Variants in LPAR1 observed in about 807,000 individuals in gnomAD.
LPAR1 encodes the protein lysophosphatidic acid receptor 1.
LPAR1 carries 5 observed loss-of-function variants against 23.8 expected under a neutral mutation model. The ratio of observed to expected loss-of-function variants is 0.21; its 90% CI spans 0.11 to 0.44. LPAR1 has a LOEUF of 0.44. Among genes scored for constraint, LPAR1 ranks in the 20% least tolerant of loss-of-function variants. The pLI, the probability that LPAR1 is intolerant of heterozygous loss-of-function variation, is 0.99. For synonymous variants in LPAR1, 160 were observed against 164.7 expected, an observed-to-expected ratio of 0.97 and a Z score of 0.22; for missense variants, 311 against 482.8, an observed-to-expected ratio of 0.64 and a Z score of 3.33.
At chr9:110,961,999 C>T (rs1316702970) in intron 4 of LPAR1, among the ~76,000 whole-genome samples, 4 of 152,186 alleles carry the variant, frequency 2.6e-5, no homozygotes, top group Non-Finnish European at 5.9e-5. Context: ...CATGGTGTAA[C>T]TGATGACTAT....
At chr9:110,907,364 C>T (rs563312535) in intron 5 of LPAR1, among the ~76,000 whole-genome samples, 2 of 152,042 alleles carry the variant, frequency 1.3e-5, no homozygotes, top group African/African-American at 2.4e-5. Context: ...AAGGGGTAAT[C>T]GTTCTTGGTC....
In LPAR1 at chr9:110,972,087, T is replaced by C; in HGVS notation, c.31A>G (p.Ile11Val). 6.2e-7 allele frequency: 1 copy of C among 1,613,928 alleles called. No individual in the cohort carries two copies. Among genetic ancestry groups the C allele is most frequent in the South Asian group, 1.1e-5 (1 of 91,066 alleles). Residue 11 changes from isoleucine to valine, a missense_variant, in exon 4 of 6, where the codon ATT (isoleucine) becomes GTT (valine). This residue lies in a region of LPAR1 where 61 missense variants were observed against 55.6 expected (regional missense o/e 1.10). Coordinates refer to ENST00000683809, the MANE Select transcript of LPAR1 (RefSeq NM_001351411.2). The part of the protein sequence containing the change: MAAISTSIPV[I>V]SQPQFTAMNE... Reference sequence around the variant, plus strand: ...GAAGCCCTTACCTGGGGCTGTGAAATTACAGGGATGGAAGTAGAGATGGCA... The same window carrying C: ...GAAGCCCTTACCTGGGGCTGTGAAACTACAGGGATGGAAGTAGAGATGGCA...
intron 5 of LPAR1, among the ~76,000 whole-genome samples, chr9:110,927,838 G>A (rs1345086576): frequency 7.2e-5 from 11 of 152,108 alleles, no homozygotes; most frequent in East Asian, 3.9e-4. Flanking sequence ...GATTTTAGTC[G>A]TATGAAAATT....
chr9:110,902,785 G>C (rs7859347), intron 5 of LPAR1, among the ~76,000 whole-genome samples: 18,552 of 152,170 alleles, frequency 0.12, 1,226 homozygotes, highest in South Asian at 0.13. Flanking sequence ...GGAGAGAGGG[G>C]CAGTCCTCAG....
chr9:110,953,303 T>A (rs1588507476), intron 4 of LPAR1, among the ~76,000 whole-genome samples: 2 of 151,820 alleles, frequency 1.3e-5, no homozygotes, highest in South Asian at 4.2e-4. Context: ...CCATCTGACA[T>A]CCCCGGCCCC....
chr9:110,973,180 C>T (rs1196986973), intron 3 of LPAR1, among the ~76,000 whole-genome samples: 1 of 152,102 alleles, frequency 6.6e-6, no homozygotes, highest in Non-Finnish European at 1.5e-5. Context: ...TATTTTTGGA[C>T]CAAGTTTGAC....
chr9:111,019,071 A>C (rs2140991408), intron 2 of LPAR1, among the ~76,000 whole-genome samples: 1 of 152,362 alleles, frequency 6.6e-6, no homozygotes, highest in African/African-American at 2.4e-5. Context: ...CATAAAACTA[A>C]CATGACTAAA....
intron 4 of LPAR1, among the ~76,000 whole-genome samples, chr9:110,942,507 G>A (rs570630950): frequency 1.3e-5 from 2 of 152,162 alleles, no homozygotes; most frequent in East Asian, 3.9e-4. Flanking sequence ...ATTGCAATTG[G>A]AATATTTACC....
chr9:110,918,983 C>T (rs2093416735), intron 5 of LPAR1, among the ~76,000 whole-genome samples: 1 of 152,128 alleles, frequency 6.6e-6, no homozygotes, highest in African/African-American at 2.4e-5. Flanking sequence ...GTCCCCCTTC[C>T]CCTGGTGTGT....
At chr9:110,926,860 A>G (rs1218647974) in intron 5 of LPAR1, among the ~76,000 whole-genome samples, 1 of 152,222 alleles carries the variant, frequency 6.6e-6, no homozygotes, top group Non-Finnish European at 1.5e-5. Context: ...AAATTGAGCA[A>G]GGACAGGTTG....
chr9:111,029,743 AT>A (rs529411255), intron 2 of LPAR1, among the ~76,000 whole-genome samples: 2 of 151,150 alleles, frequency 1.3e-5, no homozygotes, highest in Admixed American at 6.6e-5. Flanking sequence ...TACTTTCTTA[AT>A]TTTTTTTTAA....
At chr9:110,950,337 T>G (rs1015615095) in intron 4 of LPAR1, among the ~76,000 whole-genome samples, 1 of 151,842 alleles carries the variant, frequency 6.6e-6, no homozygotes, top group Non-Finnish European at 1.5e-5. Context: ...TAGTGGTACA[T>G]GCCTGTAATC....
At chr9:110,931,521 C>CTTTAGT (rs1368725803) in intron 5 of LPAR1, among the ~76,000 whole-genome samples, 20 of 151,812 alleles carry the variant, frequency 1.3e-4, no homozygotes, top group Non-Finnish European at 2.9e-4. Flanking sequence ...TGCAGAAGCT[C>CTTTAGT]TTAATTAGAT....
intron 2 of LPAR1, among the ~76,000 whole-genome samples, chr9:110,986,189 T>G (rs2096777325): frequency 6.6e-6 from 1 of 152,058 alleles, no homozygotes; most frequent in African/African-American, 2.4e-5. Flanking sequence ...AGATATAAAT[T>G]TGAATTAGGA....
intron 2 of LPAR1, among the ~76,000 whole-genome samples, chr9:111,022,276 T>C (rs2097574075): frequency 6.6e-6 from 1 of 152,172 alleles, no homozygotes; most frequent in South Asian, 2.1e-4. Context: ...TGCAAACTGA[T>C]TTCAAGTCCT....
intron 2 of LPAR1, among the ~76,000 whole-genome samples, chr9:110,981,317 C>T (rs2096661476): frequency 6.6e-6 from 1 of 152,022 alleles, no homozygotes; most frequent in South Asian, 2.1e-4. Context: ...AAATCCTTGT[C>T]CTGCCAGTAT....
chr9:110,958,611 T>C (rs2095840963), intron 4 of LPAR1, among the ~76,000 whole-genome samples: 1 of 152,068 alleles, frequency 6.6e-6, no homozygotes, highest in Non-Finnish European at 1.5e-5. Flanking sequence ...CTGCAAACTA[T>C]AAAATTACTA....
At chr9:110,974,546 C>T (rs1250440324) in intron 2 of LPAR1, among the ~76,000 whole-genome samples, 3 of 152,196 alleles carry the variant, frequency 2.0e-5, no homozygotes, top group Non-Finnish European at 4.4e-5. Flanking sequence ...ACTACAGTTT[C>T]AATCACTTTA....
intron 5 of LPAR1, among the ~76,000 whole-genome samples, chr9:110,922,201 G>T (rs1255742731): frequency 6.6e-6 from 1 of 152,156 alleles, no homozygotes; most frequent in Non-Finnish European, 1.5e-5. Context: ...GAACCTTGGG[G>T]TGCCACAGTG....
Sources: allele counts gnomAD v4.1 joint callset (sites outside exome capture counted in the v4.1 genomes callset), GRCh38; gene constraint gnomAD v4.1.1; regional missense constraint gnomAD v4.1.1; transcripts MANE v1.5; gene names NCBI Gene and HGNC (gene_info 2026-07-23, HGNC 2026-07-21).